RYR3: variants seen among roughly 807,000 people sequenced by gnomAD.
RYR3 encodes ryanodine receptor 3, also known as brain ryanodine receptor-calcium release channel.
A neutral mutation model predicts 584.3 loss-of-function variants in RYR3; 207 were observed. The ratio of observed to expected loss-of-function variants is 0.35; its 90% CI spans 0.32 to 0.40. The LOEUF is 0.40. RYR3 is among the 10% of genes least tolerant of loss of function. The pLI, the probability that RYR3 is intolerant of heterozygous loss-of-function variation, is 1.00. For synonymous variants in RYR3, 2,416 were observed against 2,248.5 expected (o/e 1.07, Z -2.11); for missense variants, 5,616 against 6,089.2 (o/e 0.92, Z 2.59).
At position 33,785,917 on chromosome 15, in the gene RYR3, A is replaced by G. The variant is rs781336859; in HGVS notation, c.9524A>G (p.Asn3175Ser). The part of the protein sequence containing the change: ...TSEHLSLILG[N>S]ILKIINNNLG... Reference sequence around the variant, plus strand: ...GAACACCTCAGTCTCATCCTGGGCAACATTCTGAAAATCATCAACAACAAC... The same window carrying G: ...GAACACCTCAGTCTCATCCTGGGCAGCATTCTGAAAATCATCAACAACAAC... Residue 3175 changes from asparagine (N) to serine (S), a missense_variant, in exon 66 of 104, where the codon AAC (asparagine) becomes AGC (serine). This residue lies in a region of RYR3 where 954 missense variants were observed against 1,132.2 expected (regional missense o/e 0.84). Transcript: ENST00000634891. The G allele has an allele frequency of 6.2e-6, 10 of 1,611,510 alleles. No homozygotes were observed. The highest frequency in any genetic ancestry group is 5.9e-6 in the Non-Finnish European group (7 of 1,178,220).
intron 38 of RYR3, among the ~76,000 whole-genome samples, chr15:33,690,154 T>C (rs1039358564): frequency 7.2e-5 from 11 of 152,312 alleles, no homozygotes; most frequent in African/African-American, 2.6e-4. Context: ...TCAGCTAATG[T>C]TGGGGACAAA....
At chr15:33,586,543 A>G (rs997890392) in intron 16 of RYR3, among the ~76,000 whole-genome samples, 1 of 152,230 alleles carries the variant, frequency 6.6e-6, no homozygotes, top group Admixed American at 6.5e-5. Context: ...ATGGTTTGTT[A>G]TTAAACAAAA....
chr15:33,822,159 G>A (rs139098947), intron 80 of RYR3, among the ~76,000 whole-genome samples: 156 of 152,272 alleles, frequency 1.0e-3, no homozygotes, highest in African/African-American at 3.4e-3. Flanking sequence ...CATTAAATGC[G>A]ACAACACATA....
At chr15:33,666,865 A>T (rs916794378) in intron 36 of RYR3, among the ~76,000 whole-genome samples, 1 of 152,234 alleles carries the variant, frequency 6.6e-6, no homozygotes. Context: ...TTTCTGTTGT[A>T]TGTCCTACAG....
intron 28 of RYR3, among the ~76,000 whole-genome samples, chr15:33,645,967 A>G (rs2062079191): frequency 6.6e-6 from 1 of 152,074 alleles, no homozygotes; most frequent in Admixed American, 6.5e-5. Context: ...AGATGTTTTC[A>G]TGCCCAGTGA....
intron 8 of RYR3, among the ~76,000 whole-genome samples, chr15:33,546,522 GAGGT>G (rs368817234): frequency 1.9e-4 from 29 of 152,252 alleles, no homozygotes; most frequent in African/African-American, 7.0e-4. Flanking sequence ...CCACCTTCCA[GAGGT>G]AACCATTGTT....
Position 33,642,507 on chromosome 15 carries a change from C to G in RYR3, c.3557-1804C>G, listed in dbSNP as rs74005919. Among the ~76,000 whole-genome samples, 242 of 152,332 alleles carry G rather than the reference C, an allele frequency of 1.6e-3. 2 individuals are homozygous for G. Among genetic ancestry groups the G allele is most frequent in the African/African-American group, 5.7e-3 (236 of 41,568 alleles). On this transcript the variant is annotated intron_variant, in intron 27 of 103. Coordinates refer to ENST00000634891, the MANE Select transcript of RYR3 (RefSeq NM_001036.6). ...CCCTCTTTTATATTCCATTCCTTGT[C>G]CCCATTTCTGTAAGCTCCTTGGGAT...
intron 16 of RYR3, among the ~76,000 whole-genome samples, chr15:33,597,908 CTT>C (rs35363480): frequency 2.6e-4 from 38 of 146,932 alleles, no homozygotes; most frequent in African/African-American, 6.7e-4. Context: ...TCCTCCCCCA[CTT>C]TTTTTTTTTC....
At position 33,845,799 on chromosome 15, in the gene RYR3, C is replaced by T. The variant is rs545915178; in HGVS notation, c.13497+737C>T. Among the ~76,000 whole-genome samples, 7 of 152,328 alleles carry T rather than the reference C, an allele frequency of 4.6e-5. No individual in the cohort carries two copies. The South Asian group carries it at 1.2e-3, about 27-fold the overall frequency. On this transcript the variant is annotated intron_variant, in intron 93 of 103. Transcript: ENST00000634891. ...TCATTAGGTGGTAACCACTCAAGAT[C>T]TCAGAAGAAAGCTTACTGATGTGTT...
intron 2 of RYR3, 108 bp from the exon 3 acceptor site, chr15:33,503,523 A>G: frequency 2.9e-6 from 2 of 680,232 alleles, no homozygotes; most frequent in Middle Eastern, 2.5e-4. Context: ...CTATTCATCC[A>G]TCCAACTGTC....
At chr15:33,794,493 A>C (rs2075467725) in intron 67 of RYR3, among the ~76,000 whole-genome samples, 1 of 151,154 alleles carries the variant, frequency 6.6e-6, no homozygotes, top group Non-Finnish European at 1.5e-5. Context: ...GTAGAGAAGG[A>C]AATCGCCAGA....
intron 5 of RYR3, among the ~76,000 whole-genome samples, chr15:33,533,812 T>C (rs2055084948): frequency 6.6e-6 from 1 of 152,162 alleles, no homozygotes. Flanking sequence ...ATGTCTAAAG[T>C]AGTGTTTTCC....
At chr15:33,529,894 C>A (rs1159439311) in intron 3 of RYR3, among the ~76,000 whole-genome samples, 1 of 152,208 alleles carries the variant, frequency 6.6e-6, no homozygotes, top group African/African-American at 2.4e-5. Flanking sequence ...GAAACAGACA[C>A]CAGTGGCTTT....
chr15:33,630,138 C>A, intron 22 of RYR3, 95 bp downstream of exon 22: 1 of 664,606 alleles, frequency 1.5e-6, no homozygotes, highest in African/African-American at 1.8e-5. Flanking sequence ...TGCCTGAAAA[C>A]GTGGCACATT....
intron 42 of RYR3, among the ~76,000 whole-genome samples, chr15:33,702,626 C>G (rs2066389265): frequency 6.6e-6 from 1 of 152,086 alleles, no homozygotes; most frequent in Admixed American, 6.5e-5. Flanking sequence ...AATTGACGAC[C>G]TGGCAGTATA....
intron 59 of RYR3, among the ~76,000 whole-genome samples, chr15:33,756,622 G>A (rs1186057840): frequency 6.6e-6 from 1 of 152,132 alleles, no homozygotes; most frequent in African/African-American, 2.4e-5. Flanking sequence ...ATCTCCGGAG[G>A]TGTGGCCTGT....
intron 19 of RYR3, among the ~76,000 whole-genome samples, chr15:33,619,929 T>G (rs147863938): frequency 6.6e-6 from 1 of 152,298 alleles, no homozygotes; most frequent in Admixed American, 6.5e-5. Flanking sequence ...GTAGTTTTCT[T>G]AGCCTCAGGC....
At chr15:33,459,109 C>T (rs576140671) in intron 1 of RYR3, among the ~76,000 whole-genome samples, 55 of 152,304 alleles carry the variant, frequency 3.6e-4, no homozygotes, top group African/African-American at 1.3e-3. Flanking sequence ...CACCCTTCCC[C>T]AGAGATTCTC....
intron 24 of RYR3, among the ~76,000 whole-genome samples, chr15:33,633,711 A>C (rs2061370594): frequency 6.6e-6 from 1 of 152,216 alleles, no homozygotes; most frequent in Non-Finnish European, 1.5e-5. Context: ...AGAGGTTCAA[A>C]ACAGCATGTT....
Sources: allele counts gnomAD v4.1 joint callset (sites outside exome capture counted in the v4.1 genomes callset), GRCh38; gene constraint gnomAD v4.1.1; regional missense constraint gnomAD v4.1.1; transcripts MANE v1.5; gene names NCBI Gene and HGNC (gene_info 2026-07-23, HGNC 2026-07-21).